The following ZFPM2 variants were observed in gnomAD, a reference collection of about 807,000 sequenced individuals.
The protein encoded by ZFPM2 is zinc finger protein, FOG family member 2.
A neutral mutation model predicts 98.6 loss-of-function variants in ZFPM2; 20 were observed. The observed-to-expected ratio is 0.20, with a 90% CI of 0.14 to 0.29. The LOEUF (loss-of-function observed/expected upper bound fraction) is 0.29, where lower values mean the gene tolerates loss of function less well. Among genes scored for constraint, ZFPM2 ranks in the 10% least tolerant of loss-of-function variants. The pLI is 1.00. For synonymous variants in ZFPM2, 518 were observed against 502.7 expected, an observed-to-expected ratio of 1.03 and a Z score of -0.41; for missense variants, 1,310 against 1,388.6, an observed-to-expected ratio of 0.94 and a Z score of 0.90.
intron 3 of ZFPM2, among the ~76,000 whole-genome samples, chr8:105,496,906 C>T (rs1213044380): frequency 4.3e-5 from 6 of 139,686 alleles, no homozygotes; most frequent in South Asian, 4.6e-4. Flanking sequence ...CACTTGAATC[C>T]GGGAGTCAGA....
chr8:105,797,582 G>A (rs1380194118), intron 6 of ZFPM2, among the ~76,000 whole-genome samples: 1 of 152,126 alleles, frequency 6.6e-6, no homozygotes, highest in Non-Finnish European at 1.5e-5. Context: ...GCCTCCTACA[G>A]CCTCTTCTCT....
At chr8:105,412,506 T>G (rs1169200262) in intron 1 of ZFPM2, among the ~76,000 whole-genome samples, 1 of 151,752 alleles carries the variant, frequency 6.6e-6, no homozygotes, top group Non-Finnish European at 1.5e-5. Flanking sequence ...TTCTACCATA[T>G]GATTCTCTGG....
chr8:105,496,335 G>C (rs1040136323), intron 3 of ZFPM2, among the ~76,000 whole-genome samples: 1 of 151,910 alleles, frequency 6.6e-6, no homozygotes, highest in African/African-American at 2.4e-5. Context: ...CAGTGGTTTT[G>C]TATCTTCTTA....
At chr8:105,355,969 C>G (rs1205986477) in intron 1 of ZFPM2, among the ~76,000 whole-genome samples, 1 of 152,128 alleles carries the variant, frequency 6.6e-6, no homozygotes, top group Non-Finnish European at 1.5e-5. Context: ...AAAGATAAAG[C>G]ACGCCCCATC....
intron 4 of ZFPM2, among the ~76,000 whole-genome samples, chr8:105,630,003 T>C (rs1257560538): frequency 1.3e-5 from 2 of 152,172 alleles, no homozygotes; most frequent in African/African-American, 4.8e-5. Flanking sequence ...AGGTAGCATA[T>C]GCACAGGTTC....
intron 4 of ZFPM2, among the ~76,000 whole-genome samples, chr8:105,585,330 C>A (rs1815689228): frequency 6.6e-6 from 1 of 151,932 alleles, no homozygotes; most frequent in African/African-American, 2.4e-5. Context: ...TTTTTCTAAC[C>A]CCTCCTCCAA....
Position 105,802,459 on chromosome 8 carries a change from G to A in ZFPM2, c.2377G>A (p.Gly793Arg). 2 of 1,613,618 alleles carry A rather than the reference G, an allele frequency of 1.2e-6. No homozygotes were observed. The highest frequency in any genetic ancestry group is 1.7e-6 in the Non-Finnish European group (2 of 1,179,776). The change falls in exon 8 of 8, where the codon GGA (glycine) becomes AGA (arginine). Residue 793 changes from glycine to arginine, a missense_variant. Gly to Arg is a moderately radical substitution (Grantham distance 125). Transcript: ENST00000407775. Reference protein sequence around the residue: ...CYHPRCDIFPGIVSKHLETSL... With the variant: ...CYHPRCDIFPRIVSKHLETSL... ...CCACCCAAGATGTGATATCTTTCCA[G>A]GAATTGTCTCTAAACACTTGGAAAC...
At chr8:105,747,683 G>T (rs529424369) in intron 5 of ZFPM2, among the ~76,000 whole-genome samples, 3 of 152,132 alleles carry the variant, frequency 2.0e-5, no homozygotes, top group Admixed American at 1.3e-4. Context: ...GTGGAAATGT[G>T]CAGGCTCTGT....
At chr8:105,475,304 T>C (rs2130363597) in intron 3 of ZFPM2, among the ~76,000 whole-genome samples, 1 of 152,362 alleles carries the variant, frequency 6.6e-6, no homozygotes, top group East Asian at 1.9e-4. Context: ...CTGCTTCTCA[T>C]TGTTATGACA....
chr8:105,656,362 G>C (rs546721885), intron 5 of ZFPM2, among the ~76,000 whole-genome samples: 3 of 152,100 alleles, frequency 2.0e-5, no homozygotes, highest in African/African-American at 7.2e-5. Flanking sequence ...TCTGATCATT[G>C]AATCCTGTCC....
intron 4 of ZFPM2, among the ~76,000 whole-genome samples, chr8:105,562,521 G>A (rs1248357377): frequency 6.6e-6 from 1 of 152,012 alleles, no homozygotes; most frequent in Non-Finnish European, 1.5e-5. Flanking sequence ...GGTGTCACTG[G>A]GCTAAAATCA....
intron 1 of ZFPM2, among the ~76,000 whole-genome samples, chr8:105,407,816 A>G (rs1811492219): frequency 6.6e-6 from 1 of 151,960 alleles, no homozygotes; most frequent in South Asian, 2.1e-4. Flanking sequence ...TTAAGGGAGA[A>G]AATGAAATTC....
intron 6 of ZFPM2, among the ~76,000 whole-genome samples, chr8:105,791,101 G>T (rs1813596569): frequency 6.6e-6 from 1 of 152,072 alleles, no homozygotes; most frequent in Non-Finnish European, 1.5e-5. Flanking sequence ...CTGCCTAATT[G>T]CCCTGGCCAG....
intron 3 of ZFPM2, among the ~76,000 whole-genome samples, chr8:105,548,539 C>T (rs1183936752): frequency 3.3e-5 from 5 of 152,114 alleles, no homozygotes; most frequent in African/African-American, 4.8e-5. Context: ...CTCAAGGCAA[C>T]GTTCTCTCAT....
intron 5 of ZFPM2, among the ~76,000 whole-genome samples, chr8:105,674,494 G>C (rs3779773): frequency 0.16 from 24,547 of 152,114 alleles, 2,059 homozygotes; most frequent in South Asian, 0.27. Flanking sequence ...TGTTTTTAGT[G>C]GTAAAGAGGA....
chr8:105,534,161 T>TCCCTCTTCCTCCCTCCTTC (rs1814387645), intron 3 of ZFPM2, among the ~76,000 whole-genome samples: 2 of 39,480 alleles, frequency 5.1e-5, no homozygotes, highest in East Asian at 1.6e-3. Context: ...CTCCCTCCTT[T>TCCCTCTTCCTCCCTCCTTC]CTCTCTTCCT....
At chr8:105,441,196 C>A (rs1170705063) in intron 2 of ZFPM2, among the ~76,000 whole-genome samples, 4 of 151,468 alleles carry the variant, frequency 2.6e-5, no homozygotes, top group Non-Finnish European at 4.4e-5. Flanking sequence ...ACCAAAAAAA[C>A]CCCTTGGACC....
chr8:105,588,446 A>G (rs1405287963), intron 4 of ZFPM2, among the ~76,000 whole-genome samples: 1 of 152,120 alleles, frequency 6.6e-6, no homozygotes, highest in Non-Finnish European at 1.5e-5. Context: ...CATTTTATAT[A>G]AAAACTAGTA....
At chr8:105,710,187 A>C (rs1811350513) in intron 5 of ZFPM2, among the ~76,000 whole-genome samples, 1 of 152,170 alleles carries the variant, frequency 6.6e-6, no homozygotes, top group Admixed American at 6.6e-5. Flanking sequence ...GTTATGCTGC[A>C]GTTATAAACA....
Sources: allele counts gnomAD v4.1 joint callset (sites outside exome capture counted in the v4.1 genomes callset), GRCh38; gene constraint gnomAD v4.1.1; transcripts MANE v1.5; gene names NCBI Gene and HGNC (gene_info 2026-07-23, HGNC 2026-07-21).